Variants in RFX8 observed in about 807,000 individuals in gnomAD.
The protein encoded by RFX8 is regulatory factor X8, also known as DNA-binding protein RFX8.
A neutral mutation model predicts 54.6 loss-of-function variants in RFX8; 46 were observed. That is an observed-to-expected ratio of 0.84 (90% CI 0.67 to 1.08). RFX8 has a LOEUF of 1.08. Among genes scored for constraint, RFX8 ranks in the 50% least tolerant of loss-of-function variants. RFX8 has a pLI of 0.00. For missense variants in RFX8, 536 were observed against 562.3 expected, an observed-to-expected ratio of 0.95 and a Z score of 0.47; for synonymous variants, 192 against 209.5, an observed-to-expected ratio of 0.92 and a Z score of 0.72.
rs530390679 is a variant in RFX8, at chr2:101,411,498, G to C, written c.719-785C>G. Among the ~76,000 whole-genome samples, 3 of 9,460 alleles carry C rather than the reference G, an allele frequency of 3.2e-4. No individual in the cohort carries two copies. The Non-Finnish European group carries it at 0.011, about 36-fold the overall frequency. 6.2% of individuals were successfully genotyped at this position (9,460 alleles called of 152,430 possible). A position where few individuals can be genotyped will look rare whatever the true frequency, so the allele number is the denominator to read the frequency against. Reference sequence around the variant, plus strand: ...GTGGGCAGTCTGGAAGGCACCGGGCGGGGGAGGGGGTGTCTCATGCCCTCC... The same window carrying C: ...GTGGGCAGTCTGGAAGGCACCGGGCCGGGGAGGGGGTGTCTCATGCCCTCC... On this transcript the variant is annotated intron_variant, in intron 8 of 11. Coordinates refer to ENST00000428343, the MANE Select transcript of RFX8 (RefSeq NM_001145664.2).
chr2:101,471,384 CACTAGGAACTATAGT>C (rs1455465160), intron 1 of RFX8, among the ~76,000 whole-genome samples: 2 of 152,122 alleles, frequency 1.3e-5, no homozygotes, highest in Non-Finnish European at 2.9e-5. Context: ...GAGCCCCCCA[CACTAGGAACTATAGT>C]ACCTTTTCGA....
intron 5 of RFX8, among the ~76,000 whole-genome samples, chr2:101,418,120 G>C (rs1686643580): frequency 6.6e-6 from 1 of 152,038 alleles, no homozygotes; most frequent in African/African-American, 2.4e-5. Flanking sequence ...TCGAACTCCT[G>C]ACCTCGTGAT....
At chr2:101,427,356 C>G (rs765964861) in intron 2 of RFX8, among the ~76,000 whole-genome samples, 1 of 152,174 alleles carries the variant, frequency 6.6e-6, no homozygotes, top group Non-Finnish European at 1.5e-5. Flanking sequence ...CCACCTTTCC[C>G]AGCTGCAGGG....
intron 2 of RFX8, among the ~76,000 whole-genome samples, chr2:101,463,878 G>A (rs1447629258): frequency 6.6e-6 from 1 of 152,182 alleles, no homozygotes; most frequent in Non-Finnish European, 1.5e-5. Flanking sequence ...TGGGGAAACA[G>A]CTCTACTTTA....
chr2:101,471,554 GGATTA>G lies in RFX8; in HGVS notation c.-53+3077_-53+3081del, dbSNP rs1259158237. ...TACAACCAGGGCTCAGCATGCATTG[GGATTA>G]GATAATGCTTAGGTTTTGCCTGGTC... On this transcript the variant is annotated intron_variant, in intron 1 of 11. Transcript: ENST00000428343. Among the ~76,000 whole-genome samples the G allele has an allele frequency of 1.3e-4, 20 of 152,318 alleles. No homozygotes were observed. In the East Asian group the frequency reaches 3.7e-3, roughly 28 times the overall value.
intron 2 of RFX8, among the ~76,000 whole-genome samples, chr2:101,464,669 A>G (rs988763322): frequency 6.6e-6 from 1 of 152,202 alleles, no homozygotes; most frequent in African/African-American, 2.4e-5. Flanking sequence ...GCTGAAAGTT[A>G]GTACCTTGGC....
chr2:101,428,398 G>A (rs928799639), intron 2 of RFX8, among the ~76,000 whole-genome samples: 13 of 152,146 alleles, frequency 8.5e-5, no homozygotes, highest in African/African-American at 2.2e-4. Context: ...ATGAGGAGTC[G>A]TCTGCAACCT....
chr2:101,469,630 T>G (rs954367936), intron 1 of RFX8, among the ~76,000 whole-genome samples: 1 of 152,158 alleles, frequency 6.6e-6, no homozygotes, highest in African/African-American at 2.4e-5. Flanking sequence ...ATTATCTCCT[T>G]AAAAAAGAAG....
intron 2 of RFX8, chr2:101,450,810 G>C: frequency 1.6e-6 from 1 of 612,586 alleles, no homozygotes; most frequent in Non-Finnish European, 2.9e-6. Flanking sequence ...CATTTCTCTG[G>C]AAAAGCTAAT....
intron 8 of RFX8, 31 bp downstream of exon 8, chr2:101,412,884 C>T: frequency 6.5e-7 from 1 of 1,539,328 alleles, no homozygotes; most frequent in Non-Finnish European, 8.8e-7. Context: ...GCCCAACACG[C>T]CAATAAAGCA....
rs757940422 is a variant in RFX8 at position 101,405,996 on chromosome 2, A to C, written c.875T>G (p.Leu292Arg). 136 of 1,549,832 alleles carry C rather than the reference A, an allele frequency of 8.8e-5. No individual in the cohort carries two copies. The Middle Eastern group carries it at 1.0e-3, about 11-fold the overall frequency. ...LAASFQLRWN[L>R]LLTAVSKAMT... Reference sequence around the variant, plus strand: ...GGCTTTGCTTACAGCAGTGAGAAGAAGATTCCATCTCAGCTGGAAGCTGGC... The same window carrying C: ...GGCTTTGCTTACAGCAGTGAGAAGACGATTCCATCTCAGCTGGAAGCTGGC... Residue 292 changes from leucine (L) to arginine (R), a missense_variant, in exon 10 of 12, where the codon CTT (leucine) becomes CGT (arginine). By Grantham distance (102) the Leu-to-Arg change is moderately radical. Transcript: ENST00000428343.
intron 2 of RFX8, among the ~76,000 whole-genome samples, chr2:101,436,757 C>T (rs1687804009): frequency 6.6e-6 from 1 of 152,170 alleles, no homozygotes; most frequent in Non-Finnish European, 1.5e-5. Flanking sequence ...CAGCTGCACA[C>T]CATGGGGACT....
At chr2:101,409,064 C>T (rs1265925493) in intron 9 of RFX8, among the ~76,000 whole-genome samples, 1 of 152,166 alleles carries the variant, frequency 6.6e-6, no homozygotes, top group Non-Finnish European at 1.5e-5. Flanking sequence ...GCCCGATCCC[C>T]CTCTCTCAGC....
At chr2:101,469,477 C>A (rs1203966608) in intron 1 of RFX8, among the ~76,000 whole-genome samples, 1 of 151,984 alleles carries the variant, frequency 6.6e-6, no homozygotes, top group African/African-American at 2.4e-5. Context: ...TAAGACACTA[C>A]TTGTTGATAT....
chr2:101,447,382 C>T (rs1047642307), intron 2 of RFX8, among the ~76,000 whole-genome samples: 6 of 152,180 alleles, frequency 3.9e-5, no homozygotes, highest in African/African-American at 1.4e-4. Context: ...AGACTGGGTA[C>T]TTTATAAACA....
intron 2 of RFX8, among the ~76,000 whole-genome samples, chr2:101,440,738 G>A (rs548493697): frequency 6.6e-6 from 1 of 152,178 alleles, no homozygotes; most frequent in Non-Finnish European, 1.5e-5. Flanking sequence ...ATCTCTGCAA[G>A]TGGAGGTGGT....
intron 6 of RFX8, among the ~76,000 whole-genome samples, chr2:101,415,559 T>C (rs1437655698): frequency 6.6e-6 from 1 of 152,124 alleles, no homozygotes; most frequent in Non-Finnish European, 1.5e-5. Flanking sequence ...CCTTGGAAAA[T>C]AATCAAAGGA....
intron 2 of RFX8, among the ~76,000 whole-genome samples, chr2:101,440,515 C>T (rs1688036280): frequency 6.6e-6 from 1 of 152,230 alleles, no homozygotes. Context: ...GAAGAAACCT[C>T]AAACACATGT....
chr2:101,474,174 C>A, intron 1 of RFX8: 1 of 624,854 alleles, frequency 1.6e-6, no homozygotes, highest in Non-Finnish European at 2.8e-6. Context: ...CTCCTCCATC[C>A]CAGCGTCCCA....
Sources: gnomAD v4.1 joint callset for allele counts (sites outside exome capture counted in the v4.1 genomes callset) on GRCh38, gnomAD v4.1.1 for gene constraint, MANE v1.5 for transcripts, NCBI Gene and HGNC (gene_info 2026-07-23, HGNC 2026-07-21) for gene names.